MAP2K3: variants seen among roughly 807,000 people sequenced by gnomAD.
The protein encoded by MAP2K3 is dual specificity mitogen-activated protein kinase kinase 3.
A neutral mutation model predicts 46.4 loss-of-function variants in MAP2K3; 30 were observed. The ratio of observed to expected loss-of-function variants is 0.65; its 90% CI spans 0.48 to 0.88. The LOEUF is 0.88. Ranked by LOEUF, MAP2K3 falls within the 40% of genes least tolerant of loss-of-function variation. The pLI is 0.00. For missense variants in MAP2K3, 380 were observed against 464.5 expected (o/e 0.82, Z 1.67); for synonymous variants, 189 against 176.3 (o/e 1.07, Z -0.57).
Position 21,284,732 on chromosome 17 carries a change from G to T in MAP2K3, c.-189G>T. On this transcript the variant is annotated 5_prime_UTR_variant, in exon 1 of 12. Coordinates refer to ENST00000342679, the MANE Select transcript of MAP2K3 (RefSeq NM_145109.3). ...GCCCAGTCTGTCTCCGGCGCCGCCC[G>T]TCGCGGACTCGTCCTTGCTGCAGTC... is the stretch of plus-strand genomic sequence containing the variant. 1 of 533,866 alleles carries T rather than the reference G, an allele frequency of 1.9e-6. No homozygotes were observed. Among genetic ancestry groups the T allele is most frequent in the South Asian group, 3.5e-5 (1 of 28,326 alleles). 33.1% of individuals were successfully genotyped at this position (533,866 alleles called of 1,614,324 possible). A position where few individuals can be genotyped will look rare whatever the true frequency, so the allele number is the denominator to read the frequency against.
rs371228226 is a variant in MAP2K3, at chr17:21,303,178, G to A, written c.517-5G>A. ...TCTCTTCCCTCCTCCCCACCCCACC[G>A]CCAGATCGTGCGGGCCCTGGAGCAT... On this transcript the variant is annotated splice_polypyrimidine_tract_variant and splice_region_variant and intron_variant, in intron 6 of 11. Coordinates refer to ENST00000342679, the MANE Select transcript of MAP2K3 (RefSeq NM_145109.3). The A allele has an allele frequency of 1.1e-5, 17 of 1,607,770 alleles. No homozygotes were observed. Among genetic ancestry groups the A allele is most frequent in the Middle Eastern group, 1.7e-4 (1 of 6,060 alleles).
chr17:21,314,108 C>T, intron 11 of MAP2K3, 39 bp from the exon 12 acceptor site: 1 of 1,530,364 alleles, frequency 6.5e-7, no homozygotes, highest in South Asian at 1.1e-5. Flanking sequence ...CTCCCTCCCG[C>T]TACCCCTCCA....
chr17:21,286,189 G>A (rs924409100), intron 1 of MAP2K3, among the ~76,000 whole-genome samples: 2 of 152,318 alleles, frequency 1.3e-5, no homozygotes, highest in East Asian at 1.9e-4. Context: ...AGCACCTGGC[G>A]CAGAGCCGGT....
intron 2 of MAP2K3, 97 bp from the exon 3 acceptor site, chr17:21,298,781 T>A: frequency 6.3e-7 from 1 of 1,579,888 alleles, no homozygotes; most frequent in Non-Finnish European, 8.7e-7. Context: ...AGGAGGCACC[T>A]CGTCCCCACG....
chr17:21,311,584 C>T (rs1977162102), intron 9 of MAP2K3: 1 of 151,832 alleles, frequency 6.6e-6, no homozygotes, highest in Non-Finnish European at 1.5e-5. Context: ...TGGTCTCACA[C>T]TCTGTCCGCG....
intron 1 of MAP2K3, among the ~76,000 whole-genome samples, chr17:21,297,922 G>A (rs939741691): frequency 6.6e-6 from 1 of 152,300 alleles, no homozygotes; most frequent in Non-Finnish European, 1.5e-5. Flanking sequence ...GTCCCCGCCT[G>A]CTCCACCGCC....
At chr17:21,286,768 T>G (rs1203337512) in intron 1 of MAP2K3, among the ~76,000 whole-genome samples, 2 of 152,174 alleles carry the variant, frequency 1.3e-5, no homozygotes, top group Admixed American at 6.5e-5. Context: ...GTGAGAATGC[T>G]GTGAGAGGGC....
chr17:21,306,327 A>C (rs1180713301), intron 9 of MAP2K3, among the ~76,000 whole-genome samples: 2 of 152,212 alleles, frequency 1.3e-5, no homozygotes, highest in Non-Finnish European at 2.9e-5. Context: ...ATTTGTGTTT[A>C]CTGGTTTATC....
chr17:21,313,195 A>C (rs943900748), intron 10 of MAP2K3, among the ~76,000 whole-genome samples: 1 of 152,170 alleles, frequency 6.6e-6, no homozygotes, highest in Non-Finnish European at 1.5e-5. Flanking sequence ...CAAGTGTGTG[A>C]CTGTTAGGCA....
At chr17:21,303,817 C>A (rs1331268246) in intron 7 of MAP2K3, among the ~76,000 whole-genome samples, 1 of 152,312 alleles carries the variant, frequency 6.6e-6, no homozygotes, top group African/African-American at 2.4e-5. Context: ...GCTTAGTTCC[C>A]ATTGTCCACT....
At chr17:21,292,866 T>C (rs1202802363) in intron 1 of MAP2K3, among the ~76,000 whole-genome samples, 1 of 152,312 alleles carries the variant, frequency 6.6e-6, no homozygotes, top group Non-Finnish European at 1.5e-5. Context: ...ACTCCTCGCA[T>C]CCTGCTGAGG....
chr17:21,311,253 G>A (rs557825385), intron 9 of MAP2K3, among the ~76,000 whole-genome samples: 1 of 152,326 alleles, frequency 6.6e-6, no homozygotes, highest in East Asian at 1.9e-4. Context: ...GGGCCCTTGT[G>A]CTGGAGCCTC....
chr17:21,307,408 G>A (rs1300624797), intron 9 of MAP2K3, among the ~76,000 whole-genome samples: 1 of 152,044 alleles, frequency 6.6e-6, no homozygotes, highest in Non-Finnish European at 1.5e-5. Flanking sequence ...ACAGGTGGAA[G>A]GCCACTGTTG....
rs753143186 is a variant in MAP2K3, at chr17:21,312,124, C to T, written c.775-18C>T. On this transcript the variant is annotated intron_variant, in intron 9 of 11. Coordinates refer to ENST00000342679, the MANE Select transcript of MAP2K3 (RefSeq NM_145109.3). ...TGTATCTGGGGCCGGGGCCTCTGACCCCCTGTCCCCGCTGCAGATTGAGAT... is the reference window on the plus strand; with the variant it reads ...TGTATCTGGGGCCGGGGCCTCTGACTCCCTGTCCCCGCTGCAGATTGAGAT... 14 of 1,513,314 alleles carry T rather than the reference C, an allele frequency of 9.3e-6. No homozygotes were observed. Among genetic ancestry groups the T allele is most frequent in the East Asian group, 5.2e-5 (2 of 38,520 alleles). The allele number at this position is 1,513,314 out of a possible 1,614,324, so 93.7% of individuals were successfully genotyped here.
At chr17:21,301,632 G>A (rs961328968) in intron 5 of MAP2K3, among the ~76,000 whole-genome samples, 1 of 152,296 alleles carries the variant, frequency 6.6e-6, no homozygotes, top group African/African-American at 2.4e-5. Context: ...AGCATCCTCT[G>A]TGCCAGCCCC....
Position 21,302,256 on chromosome 17 carries a change from G to C in MAP2K3, c.513G>C (p.Val171=), listed in dbSNP as rs767469781. The C allele has an allele frequency of 1.2e-5, 20 of 1,606,868 alleles. No individual in the cohort carries two copies. The highest frequency in any genetic ancestry group is 1.5e-5 in the Non-Finnish European group (18 of 1,174,972). ...IPEDILGEIA[V]SIVRALEHLH... is the part of the protein sequence containing the mutation. ...AGGACATCCTTGGGGAGATTGCTGTGTCTGTGAGTGGCCTGGGTGGGCTGG... is the reference window on the plus strand; with the variant it reads ...AGGACATCCTTGGGGAGATTGCTGTCTCTGTGAGTGGCCTGGGTGGGCTGG... Residue 171 remains valine (V), a synonymous_variant, in exon 6 of 12, where the codon GTG becomes GTC. Transcript: ENST00000342679.
intron 9 of MAP2K3, among the ~76,000 whole-genome samples, chr17:21,310,524 C>A (rs551451769): frequency 6.6e-6 from 1 of 152,266 alleles, no homozygotes; most frequent in Non-Finnish European, 1.5e-5. Context: ...CGGCCTCCCC[C>A]CATCCTGCAA....
intron 1 of MAP2K3, chr17:21,296,183 C>T: frequency 1.6e-6 from 2 of 1,289,556 alleles, no homozygotes; most frequent in East Asian, 5.5e-5. Flanking sequence ...CGTGATCTTG[C>T]TTCGTCCTGC....
chr17:21,284,711 A>C lies in MAP2K3; in HGVS notation c.-210A>C. Reference sequence around the variant, plus strand: ...GGCCGGGGTCTCCCCGGCGCTGCCCAGTCTGTCTCCGGCGCCGCCCGTCGC... The same window carrying C: ...GGCCGGGGTCTCCCCGGCGCTGCCCCGTCTGTCTCCGGCGCCGCCCGTCGC... On this transcript the variant is annotated 5_prime_UTR_variant, in exon 1 of 12. Coordinates refer to ENST00000342679, the MANE Select transcript of MAP2K3 (RefSeq NM_145109.3). 1 of 486,576 alleles carries C rather than the reference A, an allele frequency of 2.1e-6. No individual in the cohort carries two copies. Among genetic ancestry groups the C allele is most frequent in the South Asian group, 3.7e-5 (1 of 26,694 alleles). The allele number at this position is 486,576 out of a possible 1,614,324, so 30.1% of individuals were successfully genotyped here.
Sources: allele counts gnomAD v4.1 joint callset (sites outside exome capture counted in the v4.1 genomes callset), GRCh38; gene constraint gnomAD v4.1.1; transcripts MANE v1.5; gene names NCBI Gene and HGNC (gene_info 2026-07-23, HGNC 2026-07-21).